VCAN: variants seen among roughly 807,000 people sequenced by gnomAD.
VCAN encodes versican core protein.
VCAN carries 44 observed loss-of-function variants against 245.5 expected under a neutral mutation model. That is an observed-to-expected ratio of 0.18 (90% CI 0.14 to 0.23). The LOEUF (loss-of-function observed/expected upper bound fraction) is 0.23, where lower values mean the gene tolerates loss of function less well. Among genes scored for constraint, VCAN ranks in the 10% least tolerant of loss-of-function variants. The pLI is 1.00. For synonymous variants in VCAN, 1,413 were observed against 1,437.0 expected, an observed-to-expected ratio of 0.98 and a Z score of 0.38; for missense variants, 3,793 against 4,057.9, an observed-to-expected ratio of 0.93 and a Z score of 1.77.
At chr5:83,546,679 G>T (rs1377276992) in intron 9 of VCAN, among the ~76,000 whole-genome samples, 2 of 152,042 alleles carry the variant, frequency 1.3e-5, no homozygotes, top group Non-Finnish European at 2.9e-5. Flanking sequence ...GAAGGTCGAG[G>T]CTGCAGTGAG....
intron 7 of VCAN, among the ~76,000 whole-genome samples, chr5:83,526,708 T>A (rs554128674): frequency 6.6e-6 from 1 of 152,362 alleles, no homozygotes; most frequent in African/African-American, 2.4e-5. Context: ...TACCTTTGAA[T>A]AGCACTATGC....
chr5:83,561,964 T>C (rs1027905970), intron 12 of VCAN: 1 of 152,196 alleles, frequency 6.6e-6, no homozygotes, highest in Non-Finnish European at 1.5e-5. Flanking sequence ...GGATTTCACA[T>C]GATTTGACAG....
chr5:83,574,128 A>G (rs1748390967), intron 13 of VCAN, among the ~76,000 whole-genome samples: 1 of 152,140 alleles, frequency 6.6e-6, no homozygotes, highest in Non-Finnish European at 1.5e-5. Flanking sequence ...CCCAGCTCTC[A>G]GAGAAAGACC....
At position 83,578,899 on chromosome 5, in the gene VCAN, G is replaced by A. The variant is rs16900611; in HGVS notation, c.9881-1081G>A. Among the ~76,000 whole-genome samples, 987 of 152,144 alleles carry A rather than the reference G, an allele frequency of 6.5e-3. 13 individuals carry two copies. The highest frequency in any genetic ancestry group is 0.022 in the African/African-American group (923 of 41,518). Reference sequence around the variant, plus strand: ...TATCATTTAAAATAAGTGTGCTAATGTTGAATAAAACTATGTTAACACAAA... The same window carrying A: ...TATCATTTAAAATAAGTGTGCTAATATTGAATAAAACTATGTTAACACAAA... On this transcript the variant is annotated intron_variant, in intron 13 of 14. Coordinates refer to ENST00000265077, the MANE Select transcript of VCAN (RefSeq NM_004385.5).
At chr5:83,545,070 G>C (rs1747152627) in intron 8 of VCAN, 1 of 210,294 alleles carries the variant, frequency 4.8e-6, no homozygotes, top group Non-Finnish European at 9.8e-6. Context: ...AGCATTAAGT[G>C]GTAAAAGGCA....
chr5:83,482,324 T>TCA (rs1432258022), intron 1 of VCAN, among the ~76,000 whole-genome samples: 1 of 152,190 alleles, frequency 6.6e-6, no homozygotes, highest in Non-Finnish European at 1.5e-5. Flanking sequence ...CAGGGACCCT[T>TCA]CACTGGAGGA....
In VCAN at chr5:83,477,989, T is replaced by A. The variant is rs534225397; in HGVS notation, c.-6-5524T>A. ...TTTGAGATGGAGTCTGTTACTCAGG[T>A]TGGAGTGCAGTGGCACGATCTCAGC... On this transcript the variant is annotated intron_variant, in intron 1 of 14. Transcript: ENST00000265077. Among the ~76,000 whole-genome samples, 63 of 150,564 alleles carry A rather than the reference T, an allele frequency of 4.2e-4. No individual in the cohort carries two copies. The East Asian group carries it at 6.2e-3, about 15-fold the overall frequency.
At chr5:83,482,943 A>G (rs545911150) in intron 1 of VCAN, among the ~76,000 whole-genome samples, 1 of 152,330 alleles carries the variant, frequency 6.6e-6, no homozygotes, top group African/African-American at 2.4e-5. Flanking sequence ...TAGAAACTAC[A>G]TGGAGTCTGT....
rs886060828 is a variant in VCAN at position 83,580,594 on chromosome 5, A to G, written c.*160A>G. The G allele has an allele frequency of 1.9e-6, 2 of 1,043,208 alleles. No individual in the cohort carries two copies. The highest frequency in any genetic ancestry group is 2.9e-6 in the Non-Finnish European group (2 of 700,000). 64.6% of individuals were successfully genotyped at this position (1,043,208 alleles called of 1,614,324 possible). A position where few individuals can be genotyped will look rare whatever the true frequency, so the allele number is the denominator to read the frequency against. On this transcript the variant is annotated 3_prime_UTR_variant, in exon 15 of 15. Transcript: ENST00000265077. ...GTGCTCCCAAAACATTTTAAATGAAAGTATTGGCATTCAAAAAGACAGCAG... is the reference window on the plus strand; with the variant it reads ...GTGCTCCCAAAACATTTTAAATGAAGGTATTGGCATTCAAAAAGACAGCAG...
At chr5:83,528,507 T>C (rs1447193488) in intron 7 of VCAN, among the ~76,000 whole-genome samples, 2 of 152,022 alleles carry the variant, frequency 1.3e-5, no homozygotes, top group African/African-American at 4.8e-5. Context: ...ACGCAGAAAC[T>C]AGTACAGTTC....
intron 13 of VCAN, among the ~76,000 whole-genome samples, chr5:83,579,575 G>A (rs550258288): frequency 1.3e-5 from 2 of 152,152 alleles, no homozygotes; most frequent in Admixed American, 6.5e-5. Flanking sequence ...TAGATTGTAC[G>A]TTTTTATAAG....
intron 5 of VCAN, among the ~76,000 whole-genome samples, chr5:83,500,315 T>C (rs1257863114): frequency 1.3e-5 from 2 of 152,154 alleles, no homozygotes; most frequent in East Asian, 1.9e-4. Flanking sequence ...TAGCTTCCTA[T>C]ATAGACTTTG....
At chr5:83,549,708 G>T (rs940518315) in intron 10 of VCAN, among the ~76,000 whole-genome samples, 1 of 152,126 alleles carries the variant, frequency 6.6e-6, no homozygotes, top group African/African-American at 2.4e-5. Context: ...GGTGCCACCT[G>T]ACTTTCAGGT....
In VCAN at chr5:83,545,534, T is replaced by C; in HGVS notation, c.9266-3T>C. ...GCTTTTCTTACTTTCCTGAATATGG[T>C]AGGACCTGATCGCTGCAAAATGAAC... On this transcript the variant is annotated splice_region_variant and splice_polypyrimidine_tract_variant and intron_variant, in intron 8 of 14. Coordinates refer to ENST00000265077, the MANE Select transcript of VCAN (RefSeq NM_004385.5). 1.2e-6 allele frequency: 2 copies of C among 1,613,576 alleles called. No individual in the cohort carries two copies. Among genetic ancestry groups the C allele is most frequent in the Non-Finnish European group, 8.5e-7 (1 of 1,179,518 alleles).
chr5:83,544,552 A>G (rs2112455185), intron 8 of VCAN, among the ~76,000 whole-genome samples: 1 of 152,292 alleles, frequency 6.6e-6, no homozygotes, highest in Non-Finnish European at 1.5e-5. Flanking sequence ...AAGATTCTTG[A>G]AAGTATGGGT....
intron 13 of VCAN, among the ~76,000 whole-genome samples, chr5:83,578,249 C>T (rs552782221): frequency 5.9e-5 from 9 of 151,870 alleles, no homozygotes; most frequent in East Asian, 1.9e-4. Flanking sequence ...CCAAATACTG[C>T]GTATTTTCAC....
At chr5:83,477,622 T>C (rs550254039) in intron 1 of VCAN, among the ~76,000 whole-genome samples, 2 of 152,234 alleles carry the variant, frequency 1.3e-5, no homozygotes, top group East Asian at 3.9e-4. Context: ...CCAGTGCCAT[T>C]CTAGGAAATA....
At chr5:83,513,079 A>G (rs2112393090) in intron 6 of VCAN, 1 of 152,302 alleles carries the variant, frequency 6.6e-6, no homozygotes, top group Non-Finnish European at 1.5e-5. Context: ...CATTCATGAT[A>G]TAATTATTTT....
intron 3 of VCAN, 30 bp downstream of exon 3, chr5:83,490,502 G>C (rs1030227177): frequency 6.2e-7 from 1 of 1,612,226 alleles, no homozygotes; most frequent in Non-Finnish European, 8.5e-7. Flanking sequence ...CAAGAAGGTA[G>C]TATAACATGA....
Sources: allele counts gnomAD v4.1 joint callset (sites outside exome capture counted in the v4.1 genomes callset), GRCh38; gene constraint gnomAD v4.1.1; transcripts MANE v1.5; gene names NCBI Gene and HGNC (gene_info 2026-07-23, HGNC 2026-07-21).